PM20D2: variants seen among roughly 807,000 people sequenced by gnomAD.
The protein encoded by PM20D2 is xaa-Arg dipeptidase.
Under a neutral mutation model 42.9 loss-of-function variants are expected in PM20D2, and 33 were observed. The ratio of observed to expected loss-of-function variants is 0.77; its 90% CI spans 0.58 to 1.03. The LOEUF is 1.03. Ranked by LOEUF, PM20D2 falls within the 50% of genes least tolerant of loss-of-function variation. The pLI is 0.00. For synonymous variants in PM20D2, 250 were observed against 228.2 expected, an observed-to-expected ratio of 1.10 and a Z score of -0.86; for missense variants, 548 against 557.0, an observed-to-expected ratio of 0.98 and a Z score of 0.16.
chr6:89,116,791 C>G, the PM20D2 span, among the ~76,000 whole-genome samples: 1 of 145,386 alleles, frequency 6.9e-6, no homozygotes, highest in South Asian at 2.2e-4. Flanking sequence ...AAAAAAAAAA[C>G]TAAAAAATAA....
At chr6:89,098,485 G>A in the PM20D2 span, 16 of 1,424,300 alleles carry the variant, frequency 1.1e-5, no homozygotes, top group East Asian at 7.1e-5. Flanking sequence ...ATATCAACTC[G>A]CATTTTCTGT....
chr6:89,111,177 C>T, the PM20D2 span, among the ~76,000 whole-genome samples: 1 of 151,106 alleles, frequency 6.6e-6, no homozygotes, highest in African/African-American at 2.4e-5. Flanking sequence ...GGCACAATCT[C>T]GGGTCACTGC....
chr6:89,099,658 C>T, the PM20D2 span, among the ~76,000 whole-genome samples: 141 of 151,764 alleles, frequency 9.3e-4, 1 homozygote, highest in African/African-American at 3.2e-3. Context: ...CTCTCAGCCT[C>T]CAGAGTAGCT....
At chr6:89,117,304 C>T in the PM20D2 span, among the ~76,000 whole-genome samples, 1 of 152,204 alleles carries the variant, frequency 6.6e-6, no homozygotes, top group Admixed American at 6.5e-5. Context: ...CAAGCAGCAC[C>T]GTCTGTAAGT....
chr6:89,128,694 C>T, the PM20D2 span, among the ~76,000 whole-genome samples: 2 of 152,304 alleles, frequency 1.3e-5, no homozygotes, highest in East Asian at 1.9e-4. Flanking sequence ...GTTTGAGGCT[C>T]AGGTGGGCAT....
chr6:89,152,978 T>C (rs904351850), intron 2 of PM20D2, 65 bp from the exon 3 acceptor site: 31 of 1,360,688 alleles, frequency 2.3e-5, no homozygotes, highest in Non-Finnish European at 3.1e-5. Flanking sequence ...TAATTCTGAC[T>C]ACCTGGATTT....
chr6:89,130,819 C>CTTCTT, the PM20D2 span, among the ~76,000 whole-genome samples: 3 of 24,056 alleles, frequency 1.2e-4, no homozygotes, highest in African/African-American at 4.3e-4. Context: ...GCTTCTTCTT[C>CTTCTT]TTTTTTTTTT....
the PM20D2 span, among the ~76,000 whole-genome samples, chr6:89,120,486 G>C: frequency 6.6e-6 from 1 of 152,088 alleles, no homozygotes; most frequent in African/African-American, 2.4e-5. Flanking sequence ...TGACCTGGTG[G>C]GTAGTCACAA....
the PM20D2 span, among the ~76,000 whole-genome samples, chr6:89,100,515 G>T: frequency 2.5e-5 from 2 of 80,524 alleles, no homozygotes; most frequent in Non-Finnish European, 5.2e-5. Context: ...ATGTCCACAT[G>T]TTATGTTAAA....
At chr6:89,131,226 AT>A in the PM20D2 span, among the ~76,000 whole-genome samples, 1 of 152,162 alleles carries the variant, frequency 6.6e-6, no homozygotes, top group African/African-American at 2.4e-5. Flanking sequence ...CCATGAATGG[AT>A]TAATCCATTC....
At chr6:89,097,239 T>A in the PM20D2 span, 1 of 152,200 alleles carries the variant, frequency 6.6e-6, no homozygotes, top group Non-Finnish European at 1.5e-5. Context: ...TTGAGAACTT[T>A]GAAGTTTTCA....
the PM20D2 span, among the ~76,000 whole-genome samples, chr6:89,137,340 T>C: frequency 6.6e-6 from 1 of 152,134 alleles, no homozygotes; most frequent in South Asian, 2.1e-4. Context: ...CTGGGCAACA[T>C]AGTGAGATCC....
chr6:89,157,968 C>T (rs762334484), intron 4 of PM20D2, among the ~76,000 whole-genome samples: 2 of 152,162 alleles, frequency 1.3e-5, no homozygotes, highest in Non-Finnish European at 2.9e-5. Context: ...GATCACACCA[C>T]TGCACTCCAG....
Position 89,158,433 on chromosome 6 carries a change from G to A in PM20D2, c.1021G>A (p.Glu341Lys). Residue 341 changes from glutamate to lysine, a missense_variant, in exon 5 of 7, where the codon GAA becomes AAA. Coordinates refer to ENST00000275072, the MANE Select transcript of PM20D2 (RefSeq NM_001010853.3). ...AAAGCTAGGAATAGAGTTCATTTCA[G>A]AAGATACAATGTTGAATGGCCCTTC... ...GRKLGIEFISEDTMLNGPSGS... is the reference protein window; with the variant it reads ...GRKLGIEFISKDTMLNGPSGS... 1 of 1,611,144 alleles carries A rather than the reference G, an allele frequency of 6.2e-7. No individual in the cohort carries two copies. The highest frequency in any genetic ancestry group is 8.5e-7 in the Non-Finnish European group (1 of 1,179,364).
chr6:89,123,871 G>GTAAAAA, the PM20D2 span, among the ~76,000 whole-genome samples: 2 of 143,178 alleles, frequency 1.4e-5, no homozygotes, highest in African/African-American at 5.2e-5. Flanking sequence ...CTCATCTCTA[G>GTAAAAA]TAAAAATAAA....
the PM20D2 span, among the ~76,000 whole-genome samples, chr6:89,108,035 ATTAT>A: frequency 4.6e-5 from 7 of 152,222 alleles, no homozygotes; most frequent in South Asian, 4.1e-4. Context: ...AAGTCCTAAA[ATTAT>A]TTATCAGGCT....
At chr6:89,147,663 G>T (rs958760340) in intron 1 of PM20D2, among the ~76,000 whole-genome samples, 29 of 151,452 alleles carry the variant, frequency 1.9e-4, no homozygotes, top group Non-Finnish European at 4.4e-5. Context: ...GGGCAGATCA[G>T]TTGAGGTCTG....
rs191354498 is a variant in PM20D2, at chr6:89,155,631, T to C, written c.912+729T>C. ...GAAGTTAGGGTGTGTATAGTAGTGA[T>C]ATAAATACTATGGCTTGCTGGAATG... On this transcript the variant is annotated intron_variant, in intron 4 of 6. Coordinates refer to ENST00000275072, the MANE Select transcript of PM20D2 (RefSeq NM_001010853.3). 2.2e-3 allele frequency among the ~76,000 whole-genome samples: 341 copies of C among 152,242 alleles called. 2 individuals carry two copies. Among genetic ancestry groups the C allele is most frequent in the African/African-American group, 7.8e-3 (324 of 41,538 alleles).
chr6:89,135,269 T>C, the PM20D2 span, among the ~76,000 whole-genome samples: 10 of 151,468 alleles, frequency 6.6e-5, no homozygotes, highest in Admixed American at 6.5e-4. Flanking sequence ...TAGTTTTCTA[T>C]AGAAAGTCTA....
Sources: allele counts gnomAD v4.1 joint callset (sites outside exome capture counted in the v4.1 genomes callset), GRCh38; gene constraint gnomAD v4.1.1; transcripts MANE v1.5; gene names NCBI Gene and HGNC (gene_info 2026-07-23, HGNC 2026-07-21).